TBL1X: variants seen among roughly 807,000 people sequenced by gnomAD.
TBL1X encodes the protein transducin beta like 1 X-linked, also known as F-box-like/WD repeat-containing protein TBL1X.
TBL1X carries 10 observed loss-of-function variants against 50.7 expected under a neutral mutation model. That is an observed-to-expected ratio of 0.20 (90% CI 0.12 to 0.33). The LOEUF is 0.33. TBL1X is among the 10% of genes least tolerant of loss of function. The probability of loss-of-function intolerance (pLI) is 1.00; values close to 1 mark genes in which losing one functional copy is unlikely to be tolerated. For missense variants in TBL1X, 340 were observed against 504.4 expected, an observed-to-expected ratio of 0.67 and a Z score of 3.12; for synonymous variants, 190 against 214.7, an observed-to-expected ratio of 0.88 and a Z score of 1.01.
At chrX:9,710,000 C>T (rs12556917) in intron 15 of TBL1X, among the ~76,000 whole-genome samples, 31,591 of 110,672 alleles carry the variant, frequency 0.29, 3,538 homozygotes, top group East Asian at 0.64. Context: ...CAAGGCAGGA[C>T]GATGGCTTGA....
intron 2 of TBL1X, among the ~76,000 whole-genome samples, chrX:9,599,174 C>T (rs1438694705): frequency 9.1e-6 from 1 of 110,437 alleles, no homozygotes; most frequent in Non-Finnish European, 1.9e-5. Flanking sequence ...GAACTCCTGA[C>T]CTCAGGTGAT....
intron 2 of TBL1X, among the ~76,000 whole-genome samples, chrX:9,575,418 A>G (rs1391472431): frequency 9.0e-6 from 1 of 111,445 alleles, no homozygotes; most frequent in African/African-American, 3.3e-5. Context: ...TTCTGCCCCT[A>G]TGCATTTCCC....
At chrX:9,677,921 A>G (rs886672051) in intron 5 of TBL1X, among the ~76,000 whole-genome samples, 2 of 111,718 alleles carry the variant, frequency 1.8e-5, no homozygotes, top group Non-Finnish European at 3.8e-5. Flanking sequence ...GGAAACTGTT[A>G]GGGGGCAGAT....
chrX:9,623,753 A>T (rs2082678844), intron 2 of TBL1X, among the ~76,000 whole-genome samples: 1 of 112,290 alleles, frequency 8.9e-6, no homozygotes, highest in Non-Finnish European at 1.9e-5. Context: ...GACAAAGCTT[A>T]CTTACGTCTG....
chrX:9,503,322 C>T (rs1021472766), intron 2 of TBL1X, among the ~76,000 whole-genome samples: 4 of 112,941 alleles, frequency 3.5e-5, no homozygotes, highest in East Asian at 2.8e-4. Flanking sequence ...AGATCTCACT[C>T]GTGAACCCAC....
At chrX:9,557,008 T>G (rs895140554) in intron 2 of TBL1X, among the ~76,000 whole-genome samples, 2 of 111,509 alleles carry the variant, frequency 1.8e-5, no homozygotes, top group Non-Finnish European at 3.8e-5. Flanking sequence ...TTTACTTTTT[T>G]AAAAGATGAA....
chrX:9,677,118 C>T (rs776797835), intron 5 of TBL1X, among the ~76,000 whole-genome samples: 2 of 110,958 alleles, frequency 1.8e-5, no homozygotes, highest in Non-Finnish European at 3.8e-5. Context: ...GCCTCTCTCG[C>T]ATCTTTATTT....
At chrX:9,492,889 GTGT>G (rs2081953844) in intron 1 of TBL1X, among the ~76,000 whole-genome samples, 1 of 28,399 alleles carries the variant, frequency 3.5e-5, no homozygotes, top group African/African-American at 1.0e-4. Flanking sequence ...GTGTGTGTGT[GTGT>G]GTGTGTAGGG....
intron 2 of TBL1X, among the ~76,000 whole-genome samples, chrX:9,619,624 G>A (rs1052720665): frequency 1.8e-5 from 2 of 112,621 alleles, no homozygotes; most frequent in Admixed American, 9.4e-5. Context: ...GACCCTGTGT[G>A]TACTCGTACT....
intron 2 of TBL1X, among the ~76,000 whole-genome samples, chrX:9,603,166 T>C (rs2082565176): frequency 1.8e-5 from 2 of 112,157 alleles, no homozygotes; most frequent in African/African-American, 6.5e-5. Flanking sequence ...TCAGGAGGAC[T>C]CATTACTGGG....
intron 2 of TBL1X, among the ~76,000 whole-genome samples, chrX:9,526,733 C>T (rs939926280): frequency 1.2e-4 from 14 of 112,465 alleles, no homozygotes; most frequent in Non-Finnish European, 1.9e-4. Context: ...TCCAATAAAA[C>T]TCCATTTATG....
At chrX:9,561,067 G>T (rs1268217344) in intron 2 of TBL1X, among the ~76,000 whole-genome samples, 2 of 111,734 alleles carry the variant, frequency 1.8e-5, no homozygotes, top group Non-Finnish European at 3.8e-5. Flanking sequence ...AAAGCTTGGA[G>T]CCAGGGCTGA....
intron 2 of TBL1X, among the ~76,000 whole-genome samples, chrX:9,557,486 C>T (rs866744117): frequency 9.1e-6 from 1 of 110,197 alleles, no homozygotes; most frequent in South Asian, 3.9e-4. Flanking sequence ...GGGGCTGAGG[C>T]GACTGGACTG....
chrX:9,607,614 G>A (rs2082590194), intron 2 of TBL1X, among the ~76,000 whole-genome samples: 1 of 112,573 alleles, frequency 8.9e-6, no homozygotes, highest in South Asian at 3.6e-4. Context: ...TGAGACCTGA[G>A]GCTTGGATGG....
intron 2 of TBL1X, among the ~76,000 whole-genome samples, chrX:9,521,823 C>T (rs756129903): frequency 8.5e-4 from 95 of 111,233 alleles, no homozygotes; most frequent in Non-Finnish European, 9.0e-4. Context: ...CCAAACAAAA[C>T]CCCCAAAAAC....
intron 2 of TBL1X, among the ~76,000 whole-genome samples, chrX:9,600,106 T>C (rs762149612): frequency 2.7e-5 from 3 of 111,923 alleles, no homozygotes; most frequent in Admixed American, 9.5e-5. Flanking sequence ...CATTTGCTTT[T>C]AGCTGCCTGC....
intron 3 of TBL1X, among the ~76,000 whole-genome samples, chrX:9,650,670 A>C (rs867503021): frequency 8.9e-6 from 1 of 112,056 alleles, no homozygotes; most frequent in Non-Finnish European, 1.9e-5. Flanking sequence ...CCTTGGGACT[A>C]AGTGAGGCTG....
At chrX:9,642,150 T>C (rs1260693105) in intron 3 of TBL1X, among the ~76,000 whole-genome samples, 2 of 111,744 alleles carry the variant, frequency 1.8e-5, no homozygotes, top group African/African-American at 3.3e-5. Context: ...AGTTCAGTAC[T>C]TTGGGAACAT....
intron 2 of TBL1X, among the ~76,000 whole-genome samples, chrX:9,544,114 A>G (rs767104575): frequency 8.9e-6 from 1 of 111,872 alleles, no homozygotes; most frequent in South Asian, 3.8e-4. Context: ...TATCCCAAGA[A>G]ATGTGTGTAA....
Sources: gnomAD v4.1 joint callset for allele counts (sites outside exome capture counted in the v4.1 genomes callset) on GRCh38, gnomAD v4.1.1 for gene constraint, MANE v1.5 for transcripts, NCBI Gene and HGNC (gene_info 2026-07-23, HGNC 2026-07-21) for gene names.